Variants in VSTM4 observed in about 807,000 individuals in gnomAD.
VSTM4 encodes the protein V-set and transmembrane domain-containing protein 4.
VSTM4 carries 20 observed loss-of-function variants against 36.4 expected under a neutral mutation model. That is an observed-to-expected ratio of 0.55 (90% CI 0.39 to 0.80). VSTM4 has a LOEUF of 0.80. Among genes scored for constraint, VSTM4 ranks in the 30% least tolerant of loss-of-function variants. The pLI, the probability that VSTM4 is intolerant of heterozygous loss-of-function variation, is 0.00. For synonymous variants in VSTM4, 182 were observed against 173.9 expected (o/e 1.05, Z -0.37); for missense variants, 392 against 404.5 (o/e 0.97, Z 0.26).
rs1447498847 is a variant in VSTM4, at chr10:49,085,957, T to C, written c.524A>G (p.Glu175Gly). 1 of 1,583,968 alleles carries C rather than the reference T, an allele frequency of 6.3e-7. No homozygotes were observed. ...EKTKETWAFFEDLYVYAVLVC... is the reference protein window; with the variant it reads ...EKTKETWAFFGDLYVYAVLVC... ...AAAAAGAAATATACAAGCTTTACCTTCAAAAAATGCCCAAGTCTCTTTTGT... is the reference window on the plus strand; with the variant it reads ...AAAAAGAAATATACAAGCTTTACCTCCAAAAAATGCCCAAGTCTCTTTTGT... The change falls in exon 3 of 8, where the codon GAA (glutamate) becomes GGA (glycine). Residue 175 changes from glutamate (E) to glycine (G), a missense_variant and splice_region_variant. Coordinates refer to ENST00000332853, the MANE Select transcript of VSTM4 (RefSeq NM_001031746.5).
intron 2 of VSTM4, among the ~76,000 whole-genome samples, chr10:49,105,831 ATG>A (rs916761218): frequency 2.1e-4 from 25 of 119,218 alleles, no homozygotes; most frequent in African/African-American, 7.0e-4. Context: ...CACGTATCAT[ATG>A]TGTGTGTGTA....
rs1467042927 is a variant in VSTM4 at position 49,102,732 on chromosome 10, G to A, written c.457+4862C>T. ...CACGCCTACTTCAAAGTCATCCACA[G>A]CAACAGTTGCTAATGACACTTGACA... On this transcript the variant is annotated intron_variant, in intron 2 of 7. Transcript: ENST00000332853. 1.0e-5 allele frequency: 10 copies of A among 985,448 alleles called. No individual in the cohort carries two copies. The African/African-American group carries it at 1.7e-4, about 17-fold the overall frequency. 61.0% of individuals were successfully genotyped at this position (985,448 alleles called of 1,614,324 possible).
At chr10:49,035,687 A>AAAAAAGTT (rs1554829905) in intron 7 of VSTM4, among the ~76,000 whole-genome samples, 3 of 150,908 alleles carry the variant, frequency 2.0e-5, no homozygotes, top group African/African-American at 7.3e-5. Flanking sequence ...AAAAAAAAAA[A>AAAAAAGTT]AAAAGTTAGA....
At chr10:49,059,798 A>G (rs1224764455) in intron 5 of VSTM4, among the ~76,000 whole-genome samples, 4 of 152,232 alleles carry the variant, frequency 2.6e-5, no homozygotes, top group African/African-American at 9.6e-5. Flanking sequence ...AGATTCATGC[A>G]TCACTACAAT....
intron 3 of VSTM4, among the ~76,000 whole-genome samples, chr10:49,081,991 T>C (rs1844287220): frequency 6.6e-6 from 1 of 152,214 alleles, no homozygotes; most frequent in Non-Finnish European, 1.5e-5. Context: ...CACCCTGCTG[T>C]GTCCACTCAA....
rs765293705 is a variant in VSTM4, at chr10:49,107,807, G to A, written c.244C>T (p.Arg82Trp). The change falls in exon 2 of 8, where the codon CGG (arginine) becomes TGG (tryptophan). Residue 82 changes from arginine to tryptophan, a missense_variant. Coordinates refer to ENST00000332853, the MANE Select transcript of VSTM4 (RefSeq NM_001031746.5). ...AAATTCCCATAGTACTGCACCACCC[G>A]GAGCTTGGTCATCTTCACCATCAAG... Reference protein sequence around the residue: ...EALMVKMTKLRVVQYYGNFSR... With the variant: ...EALMVKMTKLWVVQYYGNFSR... 6.2e-6 allele frequency: 10 copies of A among 1,614,122 alleles called. 1 individual carries two copies. Among genetic ancestry groups the A allele is most frequent in the East Asian group, 2.2e-5 (1 of 44,900 alleles).
At chr10:49,070,770 A>G (rs1844063525) in intron 4 of VSTM4, among the ~76,000 whole-genome samples, 2 of 152,226 alleles carry the variant, frequency 1.3e-5, no homozygotes, top group Non-Finnish European at 2.9e-5. Context: ...ATGGGTGCTC[A>G]GGGGGCCTGA....
At chr10:49,065,881 G>C (rs1291845405) in intron 4 of VSTM4, among the ~76,000 whole-genome samples, 2 of 151,858 alleles carry the variant, frequency 1.3e-5, no homozygotes, top group Non-Finnish European at 2.9e-5. Flanking sequence ...ATCTCGTTCA[G>C]CCTCCTATTA....
chr10:49,057,439 C>A (rs1461212673), intron 5 of VSTM4, among the ~76,000 whole-genome samples: 1 of 152,186 alleles, frequency 6.6e-6, no homozygotes, highest in Admixed American at 6.5e-5. Context: ...GGACAACAGG[C>A]AAGTCTGTGC....
chr10:49,109,135 A>T (rs1030810737), intron 1 of VSTM4, among the ~76,000 whole-genome samples: 1 of 151,832 alleles, frequency 6.6e-6, no homozygotes, highest in Non-Finnish European at 1.5e-5. Context: ...ACCCCCCCAC[A>T]CAAGCAGGTG....
In VSTM4 at chr10:49,051,139, T is replaced by G. The variant is rs971199158; in HGVS notation, c.669-2555A>C. Among the ~76,000 whole-genome samples, 5 of 152,212 alleles carry G rather than the reference T, an allele frequency of 3.3e-5. No individual in the cohort carries two copies. The East Asian group carries it at 5.8e-4, about 18-fold the overall frequency. ...GGGTTTGGACAAATTTATACTGGCA[T>G]GAACCCAGCATCATAGCATCATACA... is the stretch of plus-strand genomic sequence containing the variant. On this transcript the variant is annotated intron_variant, in intron 5 of 7. Coordinates refer to ENST00000332853, the MANE Select transcript of VSTM4 (RefSeq NM_001031746.5).
intron 3 of VSTM4, among the ~76,000 whole-genome samples, chr10:49,079,753 G>A (rs17011757): frequency 0.39 from 58,852 of 151,850 alleles, 12,988 homozygotes; most frequent in African/African-American, 0.61. Flanking sequence ...TTCCAAGAGG[G>A]CTAGAGTTCT....
In VSTM4 at chr10:49,076,587, G is replaced by C. The variant is rs190684444; in HGVS notation, c.634+632C>G. ...CAGGAGCTGCTGGGCAAGTGAAATC[G>C]GGGCTCGGGGAGAAGCAGAGACTCT... On this transcript the variant is annotated intron_variant, in intron 4 of 7. Coordinates refer to ENST00000332853, the MANE Select transcript of VSTM4 (RefSeq NM_001031746.5). 1.1e-3 allele frequency among the ~76,000 whole-genome samples: 168 copies of C among 152,288 alleles called. 1 individual carries two copies. The highest frequency in any genetic ancestry group is 3.4e-3 in the Middle Eastern group (1 of 294).
At chr10:49,020,974 A>G (rs1364655869) in intron 7 of VSTM4, among the ~76,000 whole-genome samples, 2 of 152,188 alleles carry the variant, frequency 1.3e-5, no homozygotes, top group Non-Finnish European at 1.5e-5. Flanking sequence ...ATCAAAAGAG[A>G]AAAGTCATAT....
intron 7 of VSTM4, 44 bp downstream of exon 7, chr10:49,046,939 C>T: frequency 6.3e-7 from 1 of 1,584,648 alleles, no homozygotes; most frequent in Non-Finnish European, 8.7e-7. Flanking sequence ...TGAGTTGTGT[C>T]TGAGGCTTAA....
At chr10:49,040,399 C>A (rs373919515) in intron 7 of VSTM4, among the ~76,000 whole-genome samples, 2 of 152,120 alleles carry the variant, frequency 1.3e-5, no homozygotes, top group African/African-American at 4.8e-5. Flanking sequence ...TCTCCTGCCT[C>A]AGCCTCCTAA....
intron 1 of VSTM4, among the ~76,000 whole-genome samples, chr10:49,112,718 C>T (rs1844918933): frequency 6.6e-6 from 1 of 152,210 alleles, no homozygotes; most frequent in African/African-American, 2.4e-5. Context: ...CTGTTGCTAT[C>T]TTGAAATTTT....
intron 5 of VSTM4, among the ~76,000 whole-genome samples, chr10:49,054,566 G>A (rs367593728): frequency 6.6e-6 from 1 of 152,190 alleles, no homozygotes; most frequent in Non-Finnish European, 1.5e-5. Context: ...TGGGCATGGT[G>A]GGCTAGCCAG....
intron 5 of VSTM4, among the ~76,000 whole-genome samples, chr10:49,057,513 C>T (rs1412171538): frequency 6.6e-6 from 1 of 152,166 alleles, no homozygotes; most frequent in Non-Finnish European, 1.5e-5. Context: ...ACAAAGCTGC[C>T]AAGTGGCACA....
Sources: gnomAD v4.1 joint callset for allele counts (sites outside exome capture counted in the v4.1 genomes callset) on GRCh38, gnomAD v4.1.1 for gene constraint, MANE v1.5 for transcripts, NCBI Gene and HGNC (gene_info 2026-07-23, HGNC 2026-07-21) for gene names.